TENM3: variants seen among roughly 807,000 people sequenced by gnomAD.
TENM3 encodes the protein teneurin transmembrane protein 3.
TENM3 carries 63 observed loss-of-function variants against 255.1 expected under a neutral mutation model. That is an observed-to-expected ratio of 0.25 (90% CI 0.20 to 0.30). The LOEUF is 0.30. TENM3 is among the 10% of genes least tolerant of loss of function. The probability of loss-of-function intolerance (pLI) is 1.00; values close to 1 mark genes in which losing one functional copy is unlikely to be tolerated. For missense variants in TENM3, 2,929 were observed against 3,461.1 expected, an observed-to-expected ratio of 0.85 and a Z score of 3.86; for synonymous variants, 1,306 against 1,322.3, an observed-to-expected ratio of 0.99 and a Z score of 0.27.
the TENM3 span, among the ~76,000 whole-genome samples, chr4:181,716,311 C>T: frequency 3.3e-5 from 5 of 152,052 alleles, no homozygotes; most frequent in Admixed American, 1.3e-4. Flanking sequence ...TATAATATGC[C>T]GTTAACCCAA....
At chr4:182,593,405 C>A (rs1746868988) in intron 3 of TENM3, among the ~76,000 whole-genome samples, 1 of 152,196 alleles carries the variant, frequency 6.6e-6, no homozygotes, top group Non-Finnish European at 1.5e-5. Flanking sequence ...CCTCTCTGTC[C>A]TTTCTTCTTC....
chr4:182,698,093 A>C (rs1757567451), intron 12 of TENM3: 1 of 152,110 alleles, frequency 6.6e-6, no homozygotes, highest in Non-Finnish European at 1.5e-5. Flanking sequence ...GCAGATCTGC[A>C]CTCTGAGCCA....
intron 6 of TENM3, among the ~76,000 whole-genome samples, chr4:182,661,246 G>A (rs1462831459): frequency 3.9e-5 from 5 of 128,048 alleles, no homozygotes; most frequent in South Asian, 4.9e-4. Flanking sequence ...TGTCACCCAG[G>A]ATGGAGTGCA....
At chr4:181,588,301 T>G in the TENM3 span, among the ~76,000 whole-genome samples, 3 of 152,192 alleles carry the variant, frequency 2.0e-5, no homozygotes, top group African/African-American at 7.2e-5. Flanking sequence ...CTGTATTTCC[T>G]AACATTTAAT....
chr4:181,853,958 A>C, the TENM3 span, among the ~76,000 whole-genome samples: 1,209 of 152,344 alleles, frequency 7.9e-3, 21 homozygotes, highest in African/African-American at 0.028. Flanking sequence ...CAAACCTAGC[A>C]GGATTTTTTA....
chr4:182,677,632 C>A (rs952622202), intron 7 of TENM3, among the ~76,000 whole-genome samples: 1 of 152,100 alleles, frequency 6.6e-6, no homozygotes, highest in South Asian at 2.1e-4. Flanking sequence ...TGTATCCACA[C>A]CAGTCAGTAT....
chr4:181,522,881 T>G, the TENM3 span: 1 of 993,108 alleles, frequency 1.0e-6, no homozygotes, highest in South Asian at 1.3e-5. Context: ...TTATTGTGGT[T>G]GTGATGATAG....
chr4:181,479,588 T>C, the TENM3 span, among the ~76,000 whole-genome samples: 1 of 152,134 alleles, frequency 6.6e-6, no homozygotes, highest in Non-Finnish European at 1.5e-5. Context: ...TATGGCCTCT[T>C]TCAGACAAAA....
chr4:182,732,978 G>C (rs1284003776), intron 16 of TENM3, among the ~76,000 whole-genome samples: 2 of 152,176 alleles, frequency 1.3e-5, no homozygotes, highest in African/African-American at 2.4e-5. Flanking sequence ...TGTTATGTGA[G>C]AACAAAGCAG....
chr4:181,849,949 T>TCTCTCTCTCTCTCTCTCTCTCA, the TENM3 span, among the ~76,000 whole-genome samples: 241 of 65,950 alleles, frequency 3.7e-3, 1 homozygote, highest in African/African-American at 0.01. Context: ...TCTCTCTCTC[T>TCTCTCTCTCTCTCTCTCTCTCA]CACACACACA....
chr4:182,800,961 C>T lies in TENM3; in HGVS notation c.*610C>T, dbSNP rs1292841645. 1.3e-5 allele frequency: 2 copies of T among 152,674 alleles called. No individual in the cohort carries two copies. Among genetic ancestry groups the T allele is most frequent in the Non-Finnish European group, 2.9e-5 (2 of 68,046 alleles). 9.5% of individuals were successfully genotyped at this position (152,674 alleles called of 1,614,324 possible). On this transcript the variant is annotated 3_prime_UTR_variant, in exon 28 of 28. Transcript: ENST00000511685. ...AAACTGGCAACTAGAATCCTTGTCA[C>T]TGATAAGCAAAGGAAATCCTGATTT... is the stretch of plus-strand genomic sequence containing the variant.
chr4:182,761,276 G>A (rs1311799372), intron 22 of TENM3, among the ~76,000 whole-genome samples: 5 of 151,984 alleles, frequency 3.3e-5, no homozygotes, highest in Admixed American at 2.0e-4. Flanking sequence ...AAAATTAGCC[G>A]GGCGTGGTGG....
At chr4:182,519,318 C>T (rs1738319600) in intron 3 of TENM3, among the ~76,000 whole-genome samples, 2 of 151,958 alleles carry the variant, frequency 1.3e-5, no homozygotes, top group Admixed American at 6.6e-5. Context: ...TAAAAAGTTA[C>T]GATTATGTGT....
intron 1 of TENM3, among the ~76,000 whole-genome samples, chr4:182,303,159 C>A (rs1207396427): frequency 6.6e-6 from 1 of 151,686 alleles, no homozygotes. Flanking sequence ...TGTCATAAAC[C>A]CCAGGGAGAA....
chr4:182,572,121 G>A (rs1744442775), intron 3 of TENM3, among the ~76,000 whole-genome samples: 1 of 152,048 alleles, frequency 6.6e-6, no homozygotes, highest in East Asian at 1.9e-4. Flanking sequence ...AGGCTGGTCT[G>A]GAACTCCTGA....
At chr4:182,797,763 G>A (rs1354011988) in intron 27 of TENM3, among the ~76,000 whole-genome samples, 4 of 152,100 alleles carry the variant, frequency 2.6e-5, no homozygotes, top group Non-Finnish European at 5.9e-5. Context: ...ATCATAAGGA[G>A]AAGACAGTGC....
At chr4:182,278,659 A>C (rs1206699386) in intron 1 of TENM3, among the ~76,000 whole-genome samples, 1 of 144,460 alleles carries the variant, frequency 6.9e-6, no homozygotes, top group African/African-American at 2.7e-5. Flanking sequence ...TGAAGTCCCC[A>C]GTGTGCAAAA....
chr4:182,311,751 C>G (rs1038531854), intron 1 of TENM3, among the ~76,000 whole-genome samples: 4 of 152,210 alleles, frequency 2.6e-5, no homozygotes, highest in African/African-American at 9.6e-5. Context: ...TTTATGTCCA[C>G]TCTGAAAGAG....
At position 182,385,262 on chromosome 4, in the gene TENM3, C is replaced by CTTTTTTTT. The variant is rs397762118; in HGVS notation, c.511+38346_511+38353dup. ...GGGAAAAGGAAGTTTTATTGTGCGTCTTTTTTTTTTTTTTTTTTTTGAGAC... is the reference window on the plus strand; with the variant it reads ...GGGAAAAGGAAGTTTTATTGTGCGTCTTTTTTTTTTTTTTTTTTTTTTTTTTTTGAGAC... On this transcript the variant is annotated intron_variant, in intron 3 of 27. Transcript: ENST00000511685. Among the ~76,000 whole-genome samples the CTTTTTTTT allele has an allele frequency of 3.6e-5, 4 of 112,102 alleles. No individual in the cohort carries two copies. In the East Asian group the frequency reaches 8.7e-4, roughly 24 times the overall value. 73.5% of individuals were successfully genotyped at this position (112,102 alleles called of 152,430 possible).
Sources: allele counts gnomAD v4.1 joint callset (sites outside exome capture counted in the v4.1 genomes callset), GRCh38; gene constraint gnomAD v4.1.1; transcripts MANE v1.5; gene names NCBI Gene and HGNC (gene_info 2026-07-23, HGNC 2026-07-21).